Variants in ZFPM1 observed in about 807,000 individuals in gnomAD.
ZFPM1 encodes the protein zinc finger protein, FOG family member 1.
ZFPM1 carries 28 observed loss-of-function variants against 46.3 expected under a neutral mutation model. The observed-to-expected ratio is 0.60, with a 90% confidence interval of 0.45 to 0.83. The LOEUF is 0.83. Among genes scored for constraint, ZFPM1 ranks in the 40% least tolerant of loss-of-function variants. ZFPM1 has a pLI of 0.00. For missense variants in ZFPM1, 1,878 were observed against 1,432.4 expected, an observed-to-expected ratio of 1.31 and a Z score of -5.02; for synonymous variants, 957 against 675.9, an observed-to-expected ratio of 1.42 and a Z score of -6.45.
chr16:88,461,107 C>T (rs1489920874), intron 1 of ZFPM1, among the ~76,000 whole-genome samples: 7 of 81,928 alleles, frequency 8.5e-5, no homozygotes, highest in African/African-American at 2.4e-4. Flanking sequence ...GGCAGGAGGC[C>T]CTGGTGAGGA....
intron 1 of ZFPM1, among the ~76,000 whole-genome samples, chr16:88,484,531 G>A (rs1459572568): frequency 3.3e-5 from 5 of 152,244 alleles, no homozygotes; most frequent in African/African-American, 1.2e-4. Flanking sequence ...GCAGGACCTG[G>A]GGTCTGGGCT....
At chr16:88,527,698 C>T (rs550168660) in intron 5 of ZFPM1, among the ~76,000 whole-genome samples, 3 of 152,076 alleles carry the variant, frequency 2.0e-5, no homozygotes, top group African/African-American at 7.2e-5. Flanking sequence ...CACTCTAGGG[C>T]CCCACCTCTG....
intron 1 of ZFPM1, among the ~76,000 whole-genome samples, chr16:88,481,447 G>C (rs186967490): frequency 5.3e-5 from 5 of 94,300 alleles, no homozygotes; most frequent in African/African-American, 8.2e-5. Flanking sequence ...CCTCCTCGCC[G>C]GGGGCCGTGG....
chr16:88,479,850 T>G (rs1055247455), intron 1 of ZFPM1, among the ~76,000 whole-genome samples: 3 of 14,084 alleles, frequency 2.1e-4, no homozygotes, highest in East Asian at 3.1e-3. Flanking sequence ...TCCCCGTCCC[T>G]CCCTCCCCCC....
chr16:88,454,011 C>G (rs1226817345), intron 1 of ZFPM1, among the ~76,000 whole-genome samples: 1 of 152,196 alleles, frequency 6.6e-6, no homozygotes, highest in African/African-American at 2.4e-5. Context: ...ATAGGGCGGC[C>G]CCGATCTGGG....
intron 3 of ZFPM1, among the ~76,000 whole-genome samples, chr16:88,506,476 A>C (rs540784605): frequency 6.7e-6 from 1 of 148,716 alleles, no homozygotes; most frequent in South Asian, 2.2e-4. Context: ...ACAATAACAC[A>C]GAATAATCCA....
At chr16:88,503,241 C>T (rs1401624291) in intron 3 of ZFPM1, among the ~76,000 whole-genome samples, 1 of 128,674 alleles carries the variant, frequency 7.8e-6, no homozygotes, top group African/African-American at 3.0e-5. Context: ...GCCCACGGTT[C>T]CTGAGTGGAG....
chr16:88,453,299 C>G lies in ZFPM1; in HGVS notation c.-340C>G, dbSNP rs1032487375. 2.1e-4 allele frequency: 31 copies of G among 146,884 alleles called. No homozygotes were observed. The highest frequency in any genetic ancestry group is 1.8e-3 in the Admixed American group (26 of 14,808). 9.1% of individuals were successfully genotyped at this position (146,884 alleles called of 1,614,324 possible). A position where few individuals can be genotyped will look rare whatever the true frequency, so the allele number is the denominator to read the frequency against. On this transcript the variant is annotated 5_prime_UTR_variant, in exon 1 of 10. Transcript: ENST00000319555. ...GCCTCCAGCCCGCCAGGAGCGCCCT[C>G]GCAGTGGCCGCCTGCTCCGCCGCTC...
At chr16:88,477,801 A>C (rs1908752524) in intron 1 of ZFPM1, among the ~76,000 whole-genome samples, 1 of 152,252 alleles carries the variant, frequency 6.6e-6, no homozygotes, top group Non-Finnish European at 1.5e-5. Flanking sequence ...TCTCACTGGG[A>C]GTGAGTCAGG....
chr16:88,465,785 G>C (rs1908107145), intron 1 of ZFPM1, among the ~76,000 whole-genome samples: 1 of 152,250 alleles, frequency 6.6e-6, no homozygotes, highest in Non-Finnish European at 1.5e-5. Flanking sequence ...CGCGGCGTCT[G>C]TCTGGATAAA....
At chr16:88,518,604 G>C (rs1324818623) in intron 4 of ZFPM1, among the ~76,000 whole-genome samples, 1 of 149,782 alleles carries the variant, frequency 6.7e-6, no homozygotes, top group African/African-American at 2.5e-5. Context: ...GTAGGTAGCT[G>C]GTGGATAAGT....
chr16:88,472,660 CTA>C (rs1908480907), intron 1 of ZFPM1, among the ~76,000 whole-genome samples: 1 of 152,232 alleles, frequency 6.6e-6, no homozygotes. Context: ...CCTGAATTTT[CTA>C]TTTTTTATTG....
intron 4 of ZFPM1, among the ~76,000 whole-genome samples, chr16:88,520,650 T>A (rs1332474332): frequency 2.3e-5 from 2 of 88,658 alleles, no homozygotes; most frequent in African/African-American, 4.6e-5. Flanking sequence ...GATGGATGGG[T>A]GGATGGATGG....
At chr16:88,506,922 C>A (rs1452097401) in intron 3 of ZFPM1, among the ~76,000 whole-genome samples, 1 of 152,254 alleles carries the variant, frequency 6.6e-6, no homozygotes, top group East Asian at 1.9e-4. Flanking sequence ...TCCCTTCTCG[C>A]TAGCGCATGT....
chr16:88,496,747 A>G (rs1323727526), intron 3 of ZFPM1, among the ~76,000 whole-genome samples: 1 of 152,106 alleles, frequency 6.6e-6, no homozygotes, highest in Admixed American at 6.5e-5. Flanking sequence ...GGTCATGTAC[A>G]CGGGGCTTGA....
intron 3 of ZFPM1, among the ~76,000 whole-genome samples, chr16:88,508,942 G>A (rs982259480): frequency 2.6e-5 from 4 of 152,224 alleles, no homozygotes; most frequent in East Asian, 1.9e-4. Context: ...ATCAGCAAGC[G>A]AATCCGCACG....
Position 88,480,444 on chromosome 16 carries a change from G to A in ZFPM1, c.41-5495G>A, listed in dbSNP as rs898484016. Among the ~76,000 whole-genome samples the A allele has an allele frequency of 2.3e-4, 35 of 152,324 alleles. No individual in the cohort carries two copies. The highest frequency in any genetic ancestry group is 6.3e-4 in the African/African-American group (26 of 41,584). On this transcript the variant is annotated intron_variant, in intron 1 of 9. Coordinates refer to ENST00000319555, the MANE Select transcript of ZFPM1 (RefSeq NM_153813.3). This position sits in a 1 kb window ranked among gnomAD's most constrained non-coding sequence, Gnocchi z 4.9. ...GGATGAAAGAGTGAAGGAAAGAGCCGTGGTGCTGGTGGGGGAGGAGCGGGG... is the reference window on the plus strand; with the variant it reads ...GGATGAAAGAGTGAAGGAAAGAGCCATGGTGCTGGTGGGGGAGGAGCGGGG...
chr16:88,475,625 G>A (rs1245500581), intron 1 of ZFPM1, among the ~76,000 whole-genome samples: 1 of 152,140 alleles, frequency 6.6e-6, no homozygotes, highest in Non-Finnish European at 1.5e-5. Flanking sequence ...GGACAACGCC[G>A]GGTACAGGGC....
intron 1 of ZFPM1, among the ~76,000 whole-genome samples, chr16:88,473,046 C>A (rs954325882): frequency 6.6e-6 from 1 of 152,262 alleles, no homozygotes; most frequent in Non-Finnish European, 1.5e-5. Context: ...GCGGCGCTGC[C>A]GTCCCCCGTG....
Sources: allele counts gnomAD v4.1 joint callset (sites outside exome capture counted in the v4.1 genomes callset), GRCh38; gene constraint gnomAD v4.1.1; non-coding constraint Gnocchi (gnomAD v3.1); transcripts MANE v1.5; gene names NCBI Gene and HGNC (gene_info 2026-07-23, HGNC 2026-07-21).